Variants in PCDH20 observed in about 807,000 individuals in gnomAD.
PCDH20 encodes protocadherin-20.
A neutral mutation model predicts 39.7 loss-of-function variants in PCDH20; 18 were observed. That is an observed-to-expected ratio of 0.45 (90% confidence interval 0.31 to 0.67). PCDH20 has a LOEUF of 0.67. PCDH20 is among the 30% of genes least tolerant of loss of function. PCDH20 has a pLI of 0.05. For missense variants in PCDH20, 1,161 were observed against 1,167.4 expected (o/e 0.99, Z 0.08); for synonymous variants, 495 against 455.4 (o/e 1.09, Z -1.11).
chr13:61,413,312 T>C (rs1378489078), exon 2 of PCDH20: 1 of 1,613,706 alleles, frequency 6.2e-7, no homozygotes, highest in Non-Finnish European at 8.5e-7. Context: ...CCATTCTCAT[T>C]CTCCTCCACG....
rs1454362940 is a variant in PCDH20, at chr13:61,415,248, A to C, written c.-90T>G. The C allele has an allele frequency of 7.9e-7, 1 of 1,273,264 alleles. No homozygotes were observed. The highest frequency in any genetic ancestry group is 3.9e-5 in the Admixed American group (1 of 25,388). The allele number at this position is 1,273,264 out of a possible 1,614,324, so 78.9% of individuals were successfully genotyped here. A position where few individuals can be genotyped will look rare whatever the true frequency, so the allele number is the denominator to read the frequency against. ...TCATGCAAATCGCTGGGGGAACTTC[A>C]GCCAATAGTCACTGGCTCTTCAATT... is the stretch of plus-strand genomic sequence containing the variant. On this transcript the variant is annotated 5_prime_UTR_variant, in exon 1 of 2. It removes the in-frame stop codon of an upstream open reading frame in the 5' UTR. Coordinates refer to ENST00000409204, the Ensembl canonical transcript of PCDH20.
exon 2 of PCDH20, chr13:61,410,305 A>C (rs559879387): frequency 2.4e-4 from 37 of 152,250 alleles, no homozygotes; most frequent in African/African-American, 8.9e-4. Context: ...CTATTTTCTT[A>C]TGTGATGGAT....
In PCDH20 at chr13:61,411,436, G is replaced by A. The variant is rs777885824; in HGVS notation, c.2663C>T (p.Pro888Leu). 51 of 1,613,968 alleles carry A rather than the reference G, an allele frequency of 3.2e-5. 1 individual carries two copies. The South Asian group carries it at 5.2e-4, about 16-fold the overall frequency. The change falls in exon 2 of 2, where the codon CCC becomes CTC. Residue 888 changes from proline (P) to leucine (L), a missense_variant. By Grantham distance (98) the Pro-to-Leu change is moderately conservative. Transcript: ENST00000409204. ...TATTACAGACAGAGCTACTAAGGTG[G>A]GCATACAAGACACAGATTCTACCTT...
rs1566223756 is a variant in PCDH20 at position 61,414,066 on chromosome 13, G to A, written c.133-100C>T. 2.7e-6 allele frequency: 3 copies of A among 1,091,282 alleles called. No homozygotes were observed. The African/African-American group carries it at 4.8e-5, about 17-fold the overall frequency. 67.6% of individuals were successfully genotyped at this position (1,091,282 alleles called of 1,614,324 possible). On this transcript the variant is annotated intron_variant, in intron 1 of 1. Coordinates refer to ENST00000409204, the Ensembl canonical transcript of PCDH20. ...TGTGATCCTTGCTGTCCCCATCCCCGTTCCCAGAAGCAAAACCTCTAATTA... is the reference window on the plus strand; with the variant it reads ...TGTGATCCTTGCTGTCCCCATCCCCATTCCCAGAAGCAAAACCTCTAATTA...
At chr13:61,412,921 G>A (rs1445196956) in exon 2 of PCDH20, 2 of 1,614,182 alleles carry the variant, frequency 1.2e-6, no homozygotes, top group South Asian at 1.1e-5. Flanking sequence ...GAGCTTGTGG[G>A]ACTCCAGAAC....
exon 2 of PCDH20, chr13:61,410,510 A>G: frequency 6.6e-6 from 1 of 152,512 alleles, no homozygotes; most frequent in East Asian, 1.9e-4. Context: ...GTATGTATAA[A>G]TCTATTTCCC....
At chr13:61,413,994 A>C in intron 1 of PCDH20, 28 bp from the exon 2 acceptor site, 599 of 1,552,920 alleles carry the variant, frequency 3.9e-4, no homozygotes, top group Non-Finnish European at 4.6e-4. Context: ...AAGAAAGCTC[A>C]TTACACACAC....
rs764067639 is a variant in PCDH20 at position 61,413,973 on chromosome 13, T to TG, written c.133-8_133-7insC. The TG allele has an allele frequency of 1.4e-4, 220 of 1,597,236 alleles. No homozygotes were observed. In the African/African-American group the frequency reaches 2.6e-3, roughly 19 times the overall value. On this transcript the variant is annotated splice_region_variant and splice_polypyrimidine_tract_variant and intron_variant, in intron 1 of 1. Transcript: ENST00000409204. ...GGAAAAACAGAAACAGATGCTGGAG[T>TG]TGGGGGAGGGAAGAAAGCTCATTAC...
exon 2 of PCDH20, chr13:61,411,484 A>T (rs761013621): frequency 1.6e-5 from 26 of 1,613,916 alleles, no homozygotes; most frequent in Non-Finnish European, 2.1e-5. Flanking sequence ...TTCTATTGAG[A>T]TTTGTGGTTC....
At chr13:61,414,905 G>GGC in intron 1 of PCDH20, 122 bp downstream of exon 1, 1 of 1,188,718 alleles carries the variant, frequency 8.4e-7, no homozygotes, top group South Asian at 3.1e-5. Context: ...TTTCCCTCCC[G>GGC]GCGCCATCCT....
At chr13:61,411,055 T>C in exon 2 of PCDH20, 1 of 524,038 alleles carries the variant, frequency 1.9e-6, no homozygotes, top group Non-Finnish European at 3.3e-6. Context: ...AATTTTCACT[T>C]AAAAATGCTG....
exon 2 of PCDH20, chr13:61,411,572 C>A: frequency 1.2e-6 from 2 of 1,614,152 alleles, no homozygotes; most frequent in Non-Finnish European, 1.7e-6. Context: ...GTGTCATTGA[C>A]AAATAGGTTC....
rs746273020 is a variant in PCDH20 at position 61,413,106 on chromosome 13, C to G, written c.993G>C (p.Gly331=). The G allele has an allele frequency of 2.5e-6, 4 of 1,614,178 alleles. No individual in the cohort carries two copies. In the South Asian group the frequency reaches 4.4e-5, roughly 18 times the overall value. The change falls in exon 2 of 2, where the codon GGG becomes GGC. Residue 331 remains glycine, a synonymous_variant. Coordinates refer to ENST00000409204, the Ensembl canonical transcript of PCDH20. The stretch of plus-strand genomic sequence containing the variant: ...CAATTGGGGTGCCCACTGTAGCATT[C>G]CCATACACAGTGACATTGATTTGTG...
chr13:61,412,286 A>G (rs769936521), exon 2 of PCDH20: 34 of 1,613,958 alleles, frequency 2.1e-5, no homozygotes, highest in Non-Finnish European at 2.6e-5. Flanking sequence ...GTGTATCTGT[A>G]CTTTTCTTTC....
rs776366356 is a variant in PCDH20, at chr13:61,413,376, A to G, written c.723T>C (p.Ile241=). The G allele has an allele frequency of 1.5e-5, 24 of 1,613,932 alleles. No individual in the cohort carries two copies. The African/African-American group carries it at 2.9e-4, about 20-fold the overall frequency. Reference sequence around the variant, plus strand: ...GTAAGCGATAGGTCTGTACCCCATTAATGCCTACATCTGGGTCCACAGCAG... The same window carrying G: ...GTAAGCGATAGGTCTGTACCCCATTGATGCCTACATCTGGGTCCACAGCAG... The change falls in exon 2 of 2, where the codon ATT becomes ATC. Residue 241 remains isoleucine, a synonymous_variant. Coordinates refer to ENST00000409204, the Ensembl canonical transcript of PCDH20.
chr13:61,411,731 G>GT lies in PCDH20; in HGVS notation c.2367_2368insA (p.Pro790ThrfsTer2). On this transcript the variant is annotated frameshift_variant, in exon 2 of 2. Coordinates refer to ENST00000409204, the Ensembl canonical transcript of PCDH20. LOFTEE classifies it low-confidence loss of function (END_TRUNC). ...TCAATCCTGAAGGACTCAGGCCTAG[G>GT]ACCTCTTCTCCCTATGATGCTGTAA... The GT allele has an allele frequency of 1.2e-6, 2 of 1,614,146 alleles. No individual in the cohort carries two copies. Among genetic ancestry groups the GT allele is most frequent in the Non-Finnish European group, 8.5e-7 (1 of 1,180,028 alleles).
Position 61,415,324 on chromosome 13 carries a change from A to G in PCDH20, c.-166T>C. ...GAAAGGCAAGAGGGCAGAAGGGCAC[A>G]TTCATGGTTTCCTGCCCCGGACGCA... is the stretch of plus-strand genomic sequence containing the variant. On this transcript the variant is annotated 5_prime_UTR_variant, in exon 1 of 2. An upstream start codon of the reference 5' UTR is lost. Coordinates refer to ENST00000409204, the Ensembl canonical transcript of PCDH20. 1.3e-5 allele frequency: 10 copies of G among 797,152 alleles called. No homozygotes were observed. Among genetic ancestry groups the G allele is most frequent in the Non-Finnish European group, 1.7e-5 (10 of 580,846 alleles). The allele number at this position is 797,152 out of a possible 1,614,324, so 49.4% of individuals were successfully genotyped here. A position where few individuals can be genotyped will look rare whatever the true frequency, so the allele number is the denominator to read the frequency against.
exon 1 of PCDH20, chr13:61,415,238 G>A: frequency 7.8e-7 from 1 of 1,282,052 alleles, no homozygotes; most frequent in Non-Finnish European, 1.0e-6. Flanking sequence ...CAAATCGCTG[G>A]GGGAACTTCA....
intron 1 of PCDH20, 129 bp from the exon 2 acceptor site, chr13:61,414,095 C>T: frequency 1.2e-6 from 1 of 821,800 alleles, no homozygotes; most frequent in Non-Finnish European, 1.9e-6. Flanking sequence ...CTAATTAGAA[C>T]GGGGGCGGAG....
Sources: gnomAD v4.1 joint callset for allele counts on GRCh38, gnomAD v4.1.1 for gene constraint, MANE v1.5 for transcripts, NCBI Gene and HGNC (gene_info 2026-07-23, HGNC 2026-07-21) for gene names.